The following ROBO1 variants were observed in gnomAD, a reference collection of about 807,000 sequenced individuals.
The protein encoded by ROBO1 is roundabout guidance receptor 1, also known as roundabout homolog 1.
In ROBO1, 149 loss-of-function variants were observed where a neutral mutation model predicts 195.9. The ratio of observed to expected loss-of-function variants is 0.76; its 90% CI spans 0.67 to 0.87. ROBO1 has a LOEUF of 0.87. Ranked by LOEUF, ROBO1 falls within the 40% of genes least tolerant of loss-of-function variation. The pLI, the probability that ROBO1 is intolerant of heterozygous loss-of-function variation, is 0.00. For missense variants in ROBO1, 1,933 were observed against 2,068.3 expected (o/e 0.93, Z 1.27); for synonymous variants, 816 against 733.2 (o/e 1.11, Z -1.82).
intron 1 of ROBO1, among the ~76,000 whole-genome samples, chr3:79,590,800 AATTTTATCATAG>A (rs1943975483): frequency 7.4e-6 from 1 of 135,760 alleles, no homozygotes; most frequent in Non-Finnish European, 1.6e-5. Flanking sequence ...TTTATATATC[AATTTTATCATAG>A]ATAGGTAGAT....
intron 2 of ROBO1, among the ~76,000 whole-genome samples, chr3:79,508,184 C>T (rs1035818388): frequency 2.6e-5 from 4 of 152,068 alleles, no homozygotes; most frequent in South Asian, 2.1e-4. Flanking sequence ...AGCAAACCAA[C>T]GTGGCACATG....
At chr3:78,929,805 G>A (rs920911997) in intron 4 of ROBO1, among the ~76,000 whole-genome samples, 10 of 151,944 alleles carry the variant, frequency 6.6e-5, no homozygotes, top group African/African-American at 1.2e-4. Flanking sequence ...GTGCTTGACC[G>A]AGAAACAACT....
At chr3:79,428,601 ATCATAGAC>A (rs2038546991) in intron 2 of ROBO1, among the ~76,000 whole-genome samples, 1 of 152,148 alleles carries the variant, frequency 6.6e-6, no homozygotes, top group East Asian at 1.9e-4. Context: ...CTTATTTGTT[ATCATAGAC>A]TCAGCAATTC....
At chr3:78,723,548 T>G (rs766880965) in intron 5 of ROBO1, among the ~76,000 whole-genome samples, 6 of 152,196 alleles carry the variant, frequency 3.9e-5, no homozygotes, top group Non-Finnish European at 8.8e-5. Flanking sequence ...TAGATCATTA[T>G]TATTTCCTCC....
chr3:79,186,525 G>A (rs1042840248), intron 2 of ROBO1, among the ~76,000 whole-genome samples: 3 of 152,000 alleles, frequency 2.0e-5, no homozygotes, highest in Admixed American at 2.0e-4. Context: ...TCTCAATCTG[G>A]GCCCTGCCAC....
At chr3:78,836,698 C>T (rs532523098) in intron 4 of ROBO1, among the ~76,000 whole-genome samples, 3 of 151,968 alleles carry the variant, frequency 2.0e-5, no homozygotes, top group African/African-American at 7.2e-5. Context: ...GGTCAACTGA[C>T]CTGTATGATA....
At chr3:79,646,565 C>A (rs9833729) in intron 1 of ROBO1, among the ~76,000 whole-genome samples, 86,602 of 151,934 alleles carry the variant, frequency 0.57, 24,922 homozygotes, top group South Asian at 0.67. Context: ...GAATAAATAT[C>A]CAAAAGGAAG....
intron 4 of ROBO1, among the ~76,000 whole-genome samples, chr3:78,907,555 A>C (rs893870452): frequency 3.3e-5 from 5 of 152,094 alleles, no homozygotes; most frequent in Admixed American, 2.6e-4. Flanking sequence ...TGCAGTGAAC[A>C]AACTACCAAC....
chr3:79,069,158 C>A (rs1201779903), intron 3 of ROBO1, among the ~76,000 whole-genome samples: 1 of 151,564 alleles, frequency 6.6e-6, no homozygotes, highest in Non-Finnish European at 1.5e-5. Context: ...TTAAATATGC[C>A]CATATTTCTG....
At chr3:78,994,521 T>C (rs2077314933) in intron 3 of ROBO1, among the ~76,000 whole-genome samples, 1 of 152,196 alleles carries the variant, frequency 6.6e-6, no homozygotes. Flanking sequence ...TTAAAGTATT[T>C]AAATCTCAGC....
rs572348511 is a variant in ROBO1 at position 78,872,830 on chromosome 3, TG to T, written c.499+65770del. On this transcript the variant is annotated intron_variant, in intron 4 of 30. Transcript: ENST00000464233. Reference sequence around the variant, plus strand: ...AGAGTTACAGAAATTCCCATGATACTGGTAATTCCCAAAACAATGTTTCTCA... The same window carrying T: ...AGAGTTACAGAAATTCCCATGATACTGTAATTCCCAAAACAATGTTTCTCA... 3.4e-3 allele frequency among the ~76,000 whole-genome samples: 516 copies of T among 152,256 alleles called. 1 individual carries two copies. The highest frequency in any genetic ancestry group is 6.8e-3 in the Middle Eastern group (2 of 294).
chr3:78,800,377 C>T lies in ROBO1; in HGVS notation c.500-53477G>A, dbSNP rs541348939. ...ATTGGCCTAATTATAAAATAGAAGA[C>T]GAGTAATGAACAATTTTAATGTGTA... is the stretch of plus-strand genomic sequence containing the variant. On this transcript the variant is annotated intron_variant, in intron 4 of 30. Transcript: ENST00000464233. Among the ~76,000 whole-genome samples, 35 of 152,054 alleles carry T rather than the reference C, an allele frequency of 2.3e-4. No homozygotes were observed. The South Asian group carries it at 2.9e-3, about 13-fold the overall frequency.
At chr3:79,611,279 A>G (rs1255169923) in intron 1 of ROBO1, among the ~76,000 whole-genome samples, 1 of 152,132 alleles carries the variant, frequency 6.6e-6, no homozygotes, top group African/African-American at 2.4e-5. Flanking sequence ...CAAATAGCAT[A>G]CAAATCTATC....
chr3:79,564,638 G>C (rs914471713), intron 2 of ROBO1, among the ~76,000 whole-genome samples: 16 of 151,998 alleles, frequency 1.1e-4, no homozygotes, highest in African/African-American at 3.6e-4. Flanking sequence ...GAATTTATGA[G>C]TCAAACTTTC....
intron 3 of ROBO1, among the ~76,000 whole-genome samples, chr3:79,077,006 A>G (rs2079185260): frequency 6.6e-6 from 1 of 151,924 alleles, no homozygotes; most frequent in Admixed American, 6.6e-5. Context: ...TATTTAATTG[A>G]CACATAAAGA....
intron 2 of ROBO1, among the ~76,000 whole-genome samples, chr3:79,368,772 T>G (rs971069845): frequency 6.6e-6 from 1 of 152,116 alleles, no homozygotes; most frequent in Admixed American, 6.6e-5. Context: ...TTAAATCCGC[T>G]TGCACCTTTT....
At chr3:79,239,175 G>A (rs753825125) in intron 2 of ROBO1, among the ~76,000 whole-genome samples, 1 of 152,200 alleles carries the variant, frequency 6.6e-6, no homozygotes, top group Admixed American at 6.5e-5. Context: ...GAATAGATAA[G>A]TAATAACAAC....
chr3:79,017,749 A>G (rs2077986542), intron 3 of ROBO1, among the ~76,000 whole-genome samples: 1 of 152,072 alleles, frequency 6.6e-6, no homozygotes, highest in Non-Finnish European at 1.5e-5. Context: ...TTCTTTCGCC[A>G]ATGAGAATCC....
chr3:79,651,567 T>C (rs946881342), intron 1 of ROBO1, among the ~76,000 whole-genome samples: 1 of 152,130 alleles, frequency 6.6e-6, no homozygotes, highest in Non-Finnish European at 1.5e-5. Context: ...ACTGATTTAT[T>C]TGCAGAACTC....
Sources: gnomAD v4.1 joint callset for allele counts (sites outside exome capture counted in the v4.1 genomes callset) on GRCh38, gnomAD v4.1.1 for gene constraint, MANE v1.5 for transcripts, NCBI Gene and HGNC (gene_info 2026-07-23, HGNC 2026-07-21) for gene names.